FGF14: variants seen among roughly 807,000 people sequenced by gnomAD.
The protein encoded by FGF14 is fibroblast growth factor homologous factor 4.
FGF14 carries 5 observed loss-of-function variants against 25.5 expected under a neutral mutation model. The observed-to-expected ratio is 0.20, with a 90% CI of 0.10 to 0.41. The LOEUF (loss-of-function observed/expected upper bound fraction) is 0.41. FGF14 is among the 10% of genes least tolerant of loss of function. FGF14 has a pLI of 1.00. For synonymous variants in FGF14, 138 were observed against 118.3 expected (o/e 1.17, Z -1.08); for missense variants, 222 against 320.1 (o/e 0.69, Z 2.34).
intron 1 of FGF14, among the ~76,000 whole-genome samples, chr13:101,928,195 G>T (rs576114532): frequency 6.6e-6 from 1 of 152,230 alleles, no homozygotes; most frequent in Non-Finnish European, 1.5e-5. Context: ...TTTAATAAAA[G>T]GGAATGGCAT....
At chr13:101,770,055 G>C (rs1031637300) in intron 3 of FGF14, among the ~76,000 whole-genome samples, 1 of 152,082 alleles carries the variant, frequency 6.6e-6, no homozygotes, top group South Asian at 2.1e-4. Context: ...GCATGTGGGG[G>C]CAAGGGGCAT....
chr13:102,012,833 T>G (rs1277529180), intron 1 of FGF14, among the ~76,000 whole-genome samples: 1 of 152,066 alleles, frequency 6.6e-6, no homozygotes, highest in Non-Finnish European at 1.5e-5. Context: ...GGCTCACATA[T>G]GAAACCCGCC....
chr13:101,849,310 T>C (rs1437171639), intron 3 of FGF14, among the ~76,000 whole-genome samples: 1 of 152,080 alleles, frequency 6.6e-6, no homozygotes, highest in African/African-American at 2.4e-5. Flanking sequence ...ACCAAATGCT[T>C]ACAAATAACA....
chr13:102,038,489 T>C (rs1169561071), intron 1 of FGF14, among the ~76,000 whole-genome samples: 1 of 152,144 alleles, frequency 6.6e-6, no homozygotes, highest in Non-Finnish European at 1.5e-5. Context: ...ACCTCTAATT[T>C]CCTTGATTTC....
At chr13:101,765,054 T>A (rs11841203) in intron 3 of FGF14, among the ~76,000 whole-genome samples, 1 of 152,230 alleles carries the variant, frequency 6.6e-6, no homozygotes, top group Non-Finnish European at 1.5e-5. Context: ...GGAGCTCTCC[T>A]TGTCCCATTT....
At chr13:101,960,141 G>A (rs1465064566) in intron 1 of FGF14, among the ~76,000 whole-genome samples, 1 of 152,146 alleles carries the variant, frequency 6.6e-6, no homozygotes, top group East Asian at 1.9e-4. Flanking sequence ...ATTACTAAAA[G>A]TGGTATTAAG....
At chr13:101,735,401 A>C (rs1171796423) in intron 3 of FGF14, among the ~76,000 whole-genome samples, 2 of 152,184 alleles carry the variant, frequency 1.3e-5, no homozygotes, top group Non-Finnish European at 2.9e-5. Flanking sequence ...AGATGAAAGC[A>C]GTAAGGAATT....
chr13:102,331,235 C>A (rs952662572), intron 1 of FGF14, among the ~76,000 whole-genome samples: 1 of 152,074 alleles, frequency 6.6e-6, no homozygotes, highest in Admixed American at 6.6e-5. Flanking sequence ...GGTACAAAGC[C>A]GTTTTAATGA....
intron 1 of FGF14, among the ~76,000 whole-genome samples, chr13:102,045,315 T>C (rs1477443176): frequency 1.3e-5 from 2 of 151,848 alleles, no homozygotes; most frequent in Admixed American, 6.6e-5. Flanking sequence ...TATATGTAAA[T>C]ACACACAGAA....
intron 1 of FGF14, among the ~76,000 whole-genome samples, chr13:102,296,084 T>C (rs1284425175): frequency 1.3e-5 from 2 of 150,270 alleles, no homozygotes; most frequent in East Asian, 2.0e-4. Flanking sequence ...TAGAAAACCA[T>C]TGTTATTTGT....
intron 2 of FGF14, among the ~76,000 whole-genome samples, chr13:101,872,260 A>C (rs1051732930): frequency 3.3e-5 from 5 of 151,376 alleles, no homozygotes; most frequent in Non-Finnish European, 5.9e-5. Flanking sequence ...TAAAAAATGG[A>C]AACATGTTTA....
intron 1 of FGF14, among the ~76,000 whole-genome samples, chr13:102,056,793 T>C (rs1595129414): frequency 1.3e-5 from 2 of 149,160 alleles, no homozygotes; most frequent in East Asian, 3.9e-4. Context: ...AAATATATTA[T>C]AAAACTAAAA....
chr13:101,897,665 A>G (rs979052073), intron 1 of FGF14, among the ~76,000 whole-genome samples: 1 of 152,190 alleles, frequency 6.6e-6, no homozygotes. Context: ...AGGTGGTTTG[A>G]TAATCTACAA....
At chr13:101,823,497 G>C (rs1398138765) in intron 3 of FGF14, among the ~76,000 whole-genome samples, 1 of 150,490 alleles carries the variant, frequency 6.6e-6, no homozygotes, top group Non-Finnish European at 1.5e-5. Flanking sequence ...GAGTGCAATG[G>C]CGCGATCTCG....
intron 2 of FGF14, among the ~76,000 whole-genome samples, chr13:101,874,338 C>T (rs1438092520): frequency 2.6e-5 from 4 of 151,954 alleles, no homozygotes; most frequent in Middle Eastern, 3.2e-3. Flanking sequence ...TGAAAAAATT[C>T]ATATCTATTT....
chr13:101,735,355 T>G (rs901522143), intron 3 of FGF14, among the ~76,000 whole-genome samples: 3 of 152,178 alleles, frequency 2.0e-5, no homozygotes, highest in South Asian at 4.1e-4. Flanking sequence ...CTGCTGATTT[T>G]TATCTACCTC....
intron 3 of FGF14, among the ~76,000 whole-genome samples, chr13:101,783,923 A>G (rs2039661543): frequency 6.6e-6 from 1 of 152,178 alleles, no homozygotes; most frequent in Non-Finnish European, 1.5e-5. Flanking sequence ...AGCACCATTG[A>G]CTGACTAGGG....
At chr13:102,061,014 A>G (rs2042664092) in intron 1 of FGF14, among the ~76,000 whole-genome samples, 2 of 152,226 alleles carry the variant, frequency 1.3e-5, no homozygotes, top group South Asian at 4.1e-4. Context: ...GCTAAGGGCC[A>G]TGGGAGGAGA....
chr13:101,901,738 A>G (rs1050995232), intron 1 of FGF14, among the ~76,000 whole-genome samples: 5 of 152,066 alleles, frequency 3.3e-5, no homozygotes, highest in African/African-American at 7.2e-5. Flanking sequence ...AAAAAACCCA[A>G]CTAATCAAAC....
Sources: gnomAD v4.1 joint callset for allele counts (sites outside exome capture counted in the v4.1 genomes callset) on GRCh38, gnomAD v4.1.1 for gene constraint, MANE v1.5 for transcripts, NCBI Gene and HGNC (gene_info 2026-07-23, HGNC 2026-07-21) for gene names.